The following CYP26C1 variants were observed in gnomAD, a reference collection of about 807,000 sequenced individuals.
CYP26C1 encodes cytochrome P450 26C1.
In CYP26C1, 41 loss-of-function variants were observed where a neutral mutation model predicts 39.1. The observed-to-expected ratio is 1.05, with a 90% confidence interval of 0.82 to 1.36. The LOEUF (loss-of-function observed/expected upper bound fraction) is 1.36, where lower values mean the gene tolerates loss of function less well. Ranked by LOEUF, CYP26C1 falls within the 40% of genes most tolerant of loss-of-function variation. The pLI is 0.00. For missense variants in CYP26C1, 833 were observed against 752.0 expected (o/e 1.11, Z -1.26); for synonymous variants, 362 against 350.8 (o/e 1.03, Z -0.36).
intron 5 of CYP26C1, among the ~76,000 whole-genome samples, chr10:93,067,265 G>C (rs1846840845): frequency 6.6e-6 from 1 of 152,270 alleles, no homozygotes; most frequent in South Asian, 2.1e-4. Flanking sequence ...AGTGTGAAGA[G>C]AGTGATCTCT....
chr10:93,063,947 C>T (rs777466507), intron 3 of CYP26C1: 216 of 993,536 alleles, frequency 2.2e-4, no homozygotes, highest in Non-Finnish European at 2.5e-4. Flanking sequence ...GCTTACAAAT[C>T]CAATAGTGTC....
intron 3 of CYP26C1, chr10:93,063,706 G>A (rs1846780727): frequency 3.1e-6 from 3 of 983,072 alleles, no homozygotes; most frequent in South Asian, 4.7e-5. Flanking sequence ...TCTAATCCTC[G>A]CAGCCTGCAA....
intron 3 of CYP26C1, chr10:93,063,319 C>T: frequency 1.8e-6 from 2 of 1,115,034 alleles, no homozygotes. Context: ...GTCGGTCGGA[C>T]TCCTTCCCAC....
rs1328991983 is a variant in CYP26C1, at chr10:93,060,868, T to A, written c.-396T>A. The A allele has an allele frequency of 4.1e-6, 1 of 242,752 alleles. No individual in the cohort carries two copies. The highest frequency in any genetic ancestry group is 7.9e-6 in the Non-Finnish European group (1 of 126,018). The allele number at this position is 242,752 out of a possible 1,614,324, so 15.0% of individuals were successfully genotyped here. A position where few individuals can be genotyped will look rare whatever the true frequency, so the allele number is the denominator to read the frequency against. On this transcript the variant is annotated 5_prime_UTR_variant, in exon 1 of 6. Coordinates refer to ENST00000651965, the MANE Select transcript of CYP26C1 (RefSeq NM_183374.3). ...GACCAGGTTGGCAACACTGGTGAGT[T>A]GCTCTTCTTTCGCCCTCCTTCCCTT... is the stretch of plus-strand genomic sequence containing the variant.
chr10:93,063,124 C>T (rs901641634), intron 3 of CYP26C1, 129 bp downstream of exon 3: 1 of 1,424,812 alleles, frequency 7.0e-7, no homozygotes, highest in Non-Finnish European at 9.1e-7. Flanking sequence ...CGGCAGGGCC[C>T]GGGGGTGGGA....
At chr10:93,063,896 G>A (rs1846782733) in intron 3 of CYP26C1, 1 of 986,532 alleles carries the variant, frequency 1.0e-6, no homozygotes. Context: ...CTGAACTCTG[G>A]AGAGGCATCC....
Position 93,066,135 on chromosome 10 carries a change from G to A in CYP26C1, c.1041G>A (p.Gly347=). 7.4e-7 allele frequency: 1 copy of A among 1,350,058 alleles called. No individual in the cohort carries two copies. The highest frequency in any genetic ancestry group is 2.0e-5 in the South Asian group (1 of 50,096). The allele number at this position is 1,350,058 out of a possible 1,614,324, so 83.6% of individuals were successfully genotyped here. ...CCGGGGCCGCTGGGGGCAGCGAGGG[G>A]CCCCCGCCCGACTGCGGCTGCGAGC... ...CAPGAAGGSE[G]PPPDCGCEPD... The change falls in exon 5 of 6, where the codon GGG becomes GGA. Residue 347 remains glycine, a synonymous_variant. Coordinates refer to ENST00000651965, the MANE Select transcript of CYP26C1 (RefSeq NM_183374.3).
In CYP26C1 at chr10:93,063,968, G is replaced by A; in HGVS notation, c.706-413G>A. On this transcript the variant is annotated intron_variant, in intron 3 of 5. Transcript: ENST00000651965. ...AAATCCAATAGTGTCCTCTAAGTCA[G>A]AGCTTTGCTGGGTGCATCAAGGTAC... 3.0e-6 allele frequency: 3 copies of A among 1,001,158 alleles called. No individual in the cohort carries two copies. The African/African-American group carries it at 5.2e-5, about 17-fold the overall frequency. 62.0% of individuals were successfully genotyped at this position (1,001,158 alleles called of 1,614,324 possible). A position where few individuals can be genotyped will look rare whatever the true frequency, so the allele number is the denominator to read the frequency against.
intron 5 of CYP26C1, among the ~76,000 whole-genome samples, chr10:93,066,943 CT>C (rs768863643): frequency 2.2e-4 from 33 of 152,266 alleles, no homozygotes; most frequent in Non-Finnish European, 4.4e-4. Context: ...AGCTCTGACA[CT>C]CCATCCAGGT....
chr10:93,068,038 T>C (rs548010400), intron 5 of CYP26C1, among the ~76,000 whole-genome samples: 3 of 152,284 alleles, frequency 2.0e-5, no homozygotes, highest in African/African-American at 7.2e-5. Flanking sequence ...ATGTGCCAAG[T>C]CCTTAATTTG....
At chr10:93,065,377 G>C (rs192495654) in intron 4 of CYP26C1, among the ~76,000 whole-genome samples, 1 of 152,230 alleles carries the variant, frequency 6.6e-6, no homozygotes. Flanking sequence ...GACTCCCTGG[G>C]ACCATTCCGA....
chr10:93,067,708 G>A (rs1408723210), intron 5 of CYP26C1, among the ~76,000 whole-genome samples: 3 of 152,184 alleles, frequency 2.0e-5, no homozygotes, highest in African/African-American at 4.8e-5. Context: ...GCTAGGGGTG[G>A]GCAGAGGGAA....
intron 1 of CYP26C1, 36 bp downstream of exon 1, chr10:93,061,503 C>G: frequency 6.5e-7 from 1 of 1,545,992 alleles, no homozygotes; most frequent in Non-Finnish European, 8.7e-7. Flanking sequence ...CTAATACGGT[C>G]CCTTCTTCCC....
At chr10:93,062,337 G>A in intron 2 of CYP26C1, 103 bp downstream of exon 2, 8 of 1,228,640 alleles carry the variant, frequency 6.5e-6, no homozygotes, top group Non-Finnish European at 8.8e-6. Flanking sequence ...CTGTGAACCC[G>A]ACCAAGGTCC....
chr10:93,061,328 C>T lies in CYP26C1; in HGVS notation c.65C>T (p.Ala22Val). 6.3e-7 allele frequency: 1 copy of T among 1,593,732 alleles called. No homozygotes were observed. The change falls in exon 1 of 6, where the codon GCG becomes GTG. Residue 22 changes from alanine to valine, a missense_variant. By Grantham distance (64) the Ala-to-Val change is moderately conservative. Coordinates refer to ENST00000651965, the MANE Select transcript of CYP26C1 (RefSeq NM_183374.3). The stretch of plus-strand genomic sequence containing the variant: ...GCGGCGGGCACTGCTCTCCTGTGCG[C>T]GGGCCTGCTGCTCAGCCTGGCCCAG... ...LGAAGTALLC[A>V]GLLLSLAQHL...
rs975226222 is a variant in CYP26C1, at chr10:93,062,897, G to C, written c.607G>C (p.Asp203His). ...GCGCATCCTGCTGGGGTTGCGGCTG[G>C]ACGAGGCGCAGTGCGCCACGCTGGC... ...AARILLGLRLDEAQCATLART... is the reference protein window; with the variant it reads ...AARILLGLRLHEAQCATLART... The change falls in exon 3 of 6, where the codon GAC becomes CAC. Residue 203 changes from aspartate to histidine, a missense_variant. Coordinates refer to ENST00000651965, the MANE Select transcript of CYP26C1 (RefSeq NM_183374.3). 6.2e-7 allele frequency: 1 copy of C among 1,605,028 alleles called. No homozygotes were observed. Among genetic ancestry groups the C allele is most frequent in the South Asian group, 1.1e-5 (1 of 90,760 alleles).
rs1275014665 is a variant in CYP26C1 at position 93,063,035 on chromosome 10, G to A, written c.705+40G>A. The A allele has an allele frequency of 2.0e-6, 3 of 1,509,222 alleles. No individual in the cohort carries two copies. The Admixed American group carries it at 5.9e-5, about 30-fold the overall frequency. 93.5% of individuals were successfully genotyped at this position (1,509,222 alleles called of 1,614,324 possible). A position where few individuals can be genotyped will look rare whatever the true frequency, so the allele number is the denominator to read the frequency against. ...GCTCCAGACCTTCCTCCGAGGCTCC[G>A]CGGCGCGGGCGGGCCTCCCAGACCC... is the stretch of plus-strand genomic sequence containing the variant. On this transcript the variant is annotated intron_variant, in intron 3 of 5. Coordinates refer to ENST00000651965, the MANE Select transcript of CYP26C1 (RefSeq NM_183374.3).
chr10:93,065,969 A>G lies in CYP26C1; in HGVS notation c.875A>G (p.Glu292Gly). 1.3e-6 allele frequency: 2 copies of G among 1,582,038 alleles called. No homozygotes were observed. The highest frequency in any genetic ancestry group is 8.6e-7 in the Non-Finnish European group (1 of 1,166,032). Reference sequence around the variant, plus strand: ...GCTGTCTTGCAGGAGTCGGCTGTGGAGCTCCTCTTCGCCGCCTTCTTCACC... The same window carrying G: ...GCTGTCTTGCAGGAGTCGGCTGTGGGGCTCCTCTTCGCCGCCTTCTTCACC... ...SMQELKESAVELLFAAFFTTA... is the reference protein window; with the variant it reads ...SMQELKESAVGLLFAAFFTTA... The change falls in exon 5 of 6, where the codon GAG becomes GGG. Residue 292 changes from glutamate to glycine, a missense_variant. Coordinates refer to ENST00000651965, the MANE Select transcript of CYP26C1 (RefSeq NM_183374.3).
chr10:93,065,710 C>T (rs1297995747), intron 4 of CYP26C1, among the ~76,000 whole-genome samples: 1 of 152,228 alleles, frequency 6.6e-6, no homozygotes, highest in African/African-American at 2.4e-5. Flanking sequence ...CTCTGGGAAC[C>T]ATCGCAAGGC....
Sources: allele counts gnomAD v4.1 joint callset (sites outside exome capture counted in the v4.1 genomes callset), GRCh38; gene constraint gnomAD v4.1.1; transcripts MANE v1.5; gene names NCBI Gene and HGNC (gene_info 2026-07-23, HGNC 2026-07-21).